The following LRRC41 variants were observed in gnomAD, a reference collection of about 807,000 sequenced individuals.
LRRC41 encodes leucine rich repeat containing 41.
Under a neutral mutation model 72.1 loss-of-function variants are expected in LRRC41, and 17 were observed. The observed-to-expected ratio is 0.24, with a 90% CI of 0.16 to 0.35. The LOEUF is 0.35. Ranked by LOEUF, LRRC41 falls within the 10% of genes least tolerant of loss-of-function variation. The pLI, the probability that LRRC41 is intolerant of heterozygous loss-of-function variation, is 1.00. For missense variants in LRRC41, 759 were observed against 1,065.0 expected (o/e 0.71, Z 4.00); for synonymous variants, 427 against 431.0 (o/e 0.99, Z 0.11).
intron 3 of LRRC41, among the ~76,000 whole-genome samples, chr1:46,288,297 G>C (rs1254637317): frequency 6.6e-6 from 1 of 152,150 alleles, no homozygotes; most frequent in African/African-American, 2.4e-5. Flanking sequence ...TAGAAAGTCA[G>C]GTCCCAGCTC....
rs561929674 is a variant in LRRC41 at position 46,285,241 on chromosome 1, C to G, written c.1495+121G>C. On this transcript the variant is annotated intron_variant, in intron 4 of 9. Transcript: ENST00000617190. This position sits in a 1 kb window ranked among gnomAD's most constrained non-coding sequence, Gnocchi z 5.3. ...TCTCCCCTGCTATGAGGCATACAAG[C>G]CTTCCTCTCTAACCTCCTGATCATA... is the stretch of plus-strand genomic sequence containing the variant. 5 of 910,994 alleles carry G rather than the reference C, an allele frequency of 5.5e-6. No individual in the cohort carries two copies. Among genetic ancestry groups the G allele is most frequent in the Middle Eastern group, 2.2e-4 (1 of 4,640 alleles). The allele number at this position is 910,994 out of a possible 1,614,324, so 56.4% of individuals were successfully genotyped here.
Position 46,303,442 on chromosome 1 carries a change from C to A in LRRC41, c.-120G>T. The A allele has an allele frequency of 9.7e-7, 1 of 1,025,932 alleles. No homozygotes were observed. Among genetic ancestry groups the A allele is most frequent in the Non-Finnish European group, 1.4e-6 (1 of 731,262 alleles). The allele number at this position is 1,025,932 out of a possible 1,614,324, so 63.6% of individuals were successfully genotyped here. A position where few individuals can be genotyped will look rare whatever the true frequency, so the allele number is the denominator to read the frequency against. Reference sequence around the variant, plus strand: ...AATGTGAATTATTCTAAAGAAATTTCGAAGAAATTAGCACACTTTCCAAGT... The same window carrying A: ...AATGTGAATTATTCTAAAGAAATTTAGAAGAAATTAGCACACTTTCCAAGT... On this transcript the variant is annotated 5_prime_UTR_variant, in exon 1 of 10. Coordinates refer to ENST00000617190, the MANE Select transcript of LRRC41 (RefSeq NM_006369.5).
At chr1:46,300,965 G>A (rs1661209899) in intron 1 of LRRC41, among the ~76,000 whole-genome samples, 1 of 152,110 alleles carries the variant, frequency 6.6e-6, no homozygotes, top group African/African-American at 2.4e-5. Context: ...CTCTCAACTT[G>A]GCTGGGGGCT....
chr1:46,303,135 C>T lies in LRRC41; in HGVS notation c.188G>A (p.Ser63Asn). 6.1e-6 allele frequency: 9 copies of T among 1,465,460 alleles called. 1 individual carries two copies. The highest frequency in any genetic ancestry group is 5.5e-5 in the South Asian group (4 of 73,060). 90.8% of individuals were successfully genotyped at this position (1,465,460 alleles called of 1,614,324 possible). A position where few individuals can be genotyped will look rare whatever the true frequency, so the allele number is the denominator to read the frequency against. Residue 63 changes from serine (S) to asparagine (N), a missense_variant, in exon 1 of 10, where the codon AGC (serine) becomes AAC (asparagine). Transcript: ENST00000617190. ...AVSAHMGVLESGVWALPGPIL... is the reference protein window; with the variant it reads ...AVSAHMGVLENGVWALPGPIL... The stretch of plus-strand genomic sequence containing the variant: ...ACCCCGCGACTTACCCCACACCCCG[C>T]TCTCCAGAACCCCCATATGGGCGCT...
rs1280564507 is a variant in LRRC41 at position 46,277,979 on chromosome 1, A to T, written c.*886T>A. 1 of 1,614,186 alleles carries T rather than the reference A, an allele frequency of 6.2e-7. No homozygotes were observed. The highest frequency in any genetic ancestry group is 8.5e-7 in the Non-Finnish European group (1 of 1,180,028). ...AGCTAGCCTCAGTGACACACATGAC[A>T]GGTGGGGAAGTGCCCTAACCATTAT... On this transcript the variant is annotated 3_prime_UTR_variant, in exon 10 of 10. Transcript: ENST00000617190.
Position 46,279,216 on chromosome 1 carries a change from CCT to C in LRRC41, c.2183_2184del (p.Glu728GlyfsTer68). On this transcript the variant is annotated frameshift_variant, in exon 9 of 10. Coordinates refer to ENST00000617190, the MANE Select transcript of LRRC41 (RefSeq NM_006369.5). LOFTEE classifies it high-confidence loss of function. This position sits in a 1 kb window ranked among gnomAD's most constrained non-coding sequence, Gnocchi z 4.5. ...AGCTGACAGAGAGAGGAGGATGAAT[CCT>C]CTGAGAAAACATCTGCCAAGGCCAG... ...GLLALADVFSEDSSSSLCQLD... is the reference protein window; with the variant it reads ...GLLALADVFSXDSSSSLCQLD... 1 of 1,614,164 alleles carries C rather than the reference CCT, an allele frequency of 6.2e-7. No homozygotes were observed. The highest frequency in any genetic ancestry group is 8.5e-7 in the Non-Finnish European group (1 of 1,180,014).
chr1:46,301,294 T>C (rs1661218213), intron 1 of LRRC41, among the ~76,000 whole-genome samples: 1 of 151,968 alleles, frequency 6.6e-6, no homozygotes, highest in Admixed American at 6.6e-5. Context: ...CCGCACCCAG[T>C]CATCTTCCTT....
chr1:46,290,827 C>CA (rs1660995376), intron 3 of LRRC41, among the ~76,000 whole-genome samples: 1 of 146,544 alleles, frequency 6.8e-6, no homozygotes, highest in Non-Finnish European at 1.5e-5. Context: ...AGGCTGGTCT[C>CA]AAACTCCTGA....
intron 1 of LRRC41, among the ~76,000 whole-genome samples, chr1:46,301,189 C>T (rs919794137): frequency 6.6e-6 from 1 of 152,118 alleles, no homozygotes; most frequent in African/African-American, 2.4e-5. Flanking sequence ...TACCCACAAA[C>T]TCCTCTCTTC....
Position 46,281,237 on chromosome 1 carries a change from G to A in LRRC41, c.1644C>T (p.Pro548=). The A allele has an allele frequency of 6.2e-7, 1 of 1,614,240 alleles. No homozygotes were observed. Among genetic ancestry groups the A allele is most frequent in the Non-Finnish European group, 8.5e-7 (1 of 1,180,054 alleles). The stretch of plus-strand genomic sequence containing the variant: ...CACGAATAGAGAGGACCCGTAGCAG[G>A]GGCAGTGCTCGCACGATAGCACGTG... ...ELTRAIVRAL[P]LLRVLSIRVD... is the part of the protein sequence containing the mutation. The change falls in exon 5 of 10, where the codon CCC becomes CCT. Residue 548 remains proline, a synonymous_variant. Coordinates refer to ENST00000617190, the MANE Select transcript of LRRC41 (RefSeq NM_006369.5).
In LRRC41 at chr1:46,278,598, A is replaced by T. The variant is rs1003418860; in HGVS notation, c.*267T>A. ...GGGCAGGGGAGGGGATCTCTTCAGC[A>T]ATTATGATGACCACTGTAACCTCCT... On this transcript the variant is annotated 3_prime_UTR_variant, in exon 10 of 10. Coordinates refer to ENST00000617190, the MANE Select transcript of LRRC41 (RefSeq NM_006369.5). 18 of 606,934 alleles carry T rather than the reference A, an allele frequency of 3.0e-5. No homozygotes were observed. The highest frequency in any genetic ancestry group is 4.3e-5 in the Non-Finnish European group (15 of 345,302). The allele number at this position is 606,934 out of a possible 1,614,324, so 37.6% of individuals were successfully genotyped here.
At chr1:46,291,029 A>C (rs771906705) in intron 3 of LRRC41, among the ~76,000 whole-genome samples, 1 of 141,250 alleles carries the variant, frequency 7.1e-6, no homozygotes, top group Non-Finnish European at 1.5e-5. Flanking sequence ...GGTTCAAGCT[A>C]TTCTCCTGCC....
rs1661268790 is a variant in LRRC41, at chr1:46,302,730, C to T, written c.199+394G>A. Reference sequence around the variant, plus strand: ...AGGCCGGGCCTCCTAACCTCGGCCCCTGCCCTAGGGCAGCCGGGCCATCGC... The same window carrying T: ...AGGCCGGGCCTCCTAACCTCGGCCCTTGCCCTAGGGCAGCCGGGCCATCGC... On this transcript the variant is annotated intron_variant, in intron 1 of 9. Transcript: ENST00000617190. This position sits in a 1 kb window ranked among gnomAD's most constrained non-coding sequence, Gnocchi z 4.7. The T allele has an allele frequency of 1.0e-6, 1 of 985,296 alleles. No homozygotes were observed. 61.0% of individuals were successfully genotyped at this position (985,296 alleles called of 1,614,324 possible).
intron 1 of LRRC41, chr1:46,301,847 T>G: frequency 6.5e-6 from 3 of 464,674 alleles, no homozygotes; most frequent in African/African-American, 2.2e-5. Flanking sequence ...CCAGCAGGCC[T>G]CGGCCGGGCC....
At position 46,279,412 on chromosome 1, in the gene LRRC41, G is replaced by C. The variant is rs955052451; in HGVS notation, c.2143+80C>G. 1.2e-6 allele frequency: 2 copies of C among 1,604,274 alleles called. No individual in the cohort carries two copies. Among genetic ancestry groups the C allele is most frequent in the African/African-American group, 1.3e-5 (1 of 74,708 alleles). ...CAACTCCCACGTTCCCAGTGGAGAG[G>C]TCTTTGCCTTTATCCAGTGAGTTTT... is the stretch of plus-strand genomic sequence containing the variant. On this transcript the variant is annotated intron_variant, in intron 8 of 9. Transcript: ENST00000617190. This position sits in a 1 kb window ranked among gnomAD's most constrained non-coding sequence, Gnocchi z 4.5.
chr1:46,290,936 T>TG (rs1661002771), intron 3 of LRRC41, among the ~76,000 whole-genome samples: 1 of 147,332 alleles, frequency 6.8e-6, no homozygotes, highest in Non-Finnish European at 1.5e-5. Flanking sequence ...TTTTTTTTTT[T>TG]TTTTTTTTAA....
At position 46,277,810 on chromosome 1, in the gene LRRC41, T is replaced by C. The variant is rs770996242; in HGVS notation, c.*1055A>G. ...TCTTTTGACATTCCCCACCTCCTCTTCCCCAGGCAGGGACCATTGAGGAGA... is the reference window on the plus strand; with the variant it reads ...TCTTTTGACATTCCCCACCTCCTCTCCCCCAGGCAGGGACCATTGAGGAGA... On this transcript the variant is annotated 3_prime_UTR_variant, in exon 10 of 10. Transcript: ENST00000617190. 1.9e-6 allele frequency: 3 copies of C among 1,602,284 alleles called. No individual in the cohort carries two copies. In the South Asian group the frequency reaches 3.3e-5, roughly 18 times the overall value.
In LRRC41 at chr1:46,302,770, A is replaced by G; in HGVS notation, c.199+354T>C. The G allele has an allele frequency of 2.0e-6, 2 of 984,726 alleles. No homozygotes were observed. Among genetic ancestry groups the G allele is most frequent in the African/African-American group, 3.5e-5 (2 of 57,124 alleles). The allele number at this position is 984,726 out of a possible 1,614,324, so 61.0% of individuals were successfully genotyped here. A position where few individuals can be genotyped will look rare whatever the true frequency, so the allele number is the denominator to read the frequency against. On this transcript the variant is annotated intron_variant, in intron 1 of 9. Coordinates refer to ENST00000617190, the MANE Select transcript of LRRC41 (RefSeq NM_006369.5). This position sits in a 1 kb window ranked among gnomAD's most constrained non-coding sequence, Gnocchi z 4.7. ...CGGGCCATCGCTGCCCACCGGTTCGACATCCGAGACTCTCCTGCCCGGCCC... is the reference window on the plus strand; with the variant it reads ...CGGGCCATCGCTGCCCACCGGTTCGGCATCCGAGACTCTCCTGCCCGGCCC...
In LRRC41 at chr1:46,280,280, T is replaced by C. The variant is rs1469303693; in HGVS notation, c.1932A>G (p.Leu644=). The C allele has an allele frequency of 6.2e-7, 1 of 1,614,080 alleles. No homozygotes were observed. The highest frequency in any genetic ancestry group is 8.5e-7 in the Non-Finnish European group (1 of 1,179,914). The part of the protein sequence containing the change: ...LVLQTLKEYN[L]ALKRLSFHDM... ...CATGGAAGCTCAGTCTTTTCAGGGC[T>C]AGGTTGTACTCTGGATAGGAGGCAG... Residue 644 remains leucine, a synonymous_variant, in exon 7 of 10, where the codon CTA becomes CTG. Transcript: ENST00000617190.
Sources: gnomAD v4.1 joint callset for allele counts (sites outside exome capture counted in the v4.1 genomes callset) on GRCh38, gnomAD v4.1.1 for gene constraint, Gnocchi (gnomAD v3.1) non-coding constraint, MANE v1.5 for transcripts, NCBI Gene and HGNC (gene_info 2026-07-23, HGNC 2026-07-21) for gene names.